The following CTNNA3 variants were observed in gnomAD, a reference collection of about 807,000 sequenced individuals.
CTNNA3 encodes catenin alpha-3.
Under a neutral mutation model 95.7 loss-of-function variants are expected in CTNNA3, and 76 were observed. The observed-to-expected ratio is 0.79, with a 90% CI of 0.66 to 0.96. The LOEUF is 0.96. Among genes scored for constraint, CTNNA3 ranks in the 40% least tolerant of loss-of-function variants. The probability of loss-of-function intolerance (pLI) is 0.00; values close to 1 mark genes in which losing one functional copy is unlikely to be tolerated. For synonymous variants in CTNNA3, 431 were observed against 374.4 expected, an observed-to-expected ratio of 1.15 and a Z score of -1.74; for missense variants, 1,191 against 1,089.8, an observed-to-expected ratio of 1.09 and a Z score of -1.31.
chr10:67,556,170 G>C (rs1339789654), intron 3 of CTNNA3, among the ~76,000 whole-genome samples: 2 of 152,162 alleles, frequency 1.3e-5, no homozygotes, highest in African/African-American at 2.4e-5. Context: ...ATTTTATTGA[G>C]GATTTGTGCA....
chr10:67,739,838 C>T (rs1841324920), intron 1 of CTNNA3, among the ~76,000 whole-genome samples: 1 of 152,176 alleles, frequency 6.6e-6, no homozygotes, highest in African/African-American at 2.4e-5. Flanking sequence ...AAAAAAGAGG[C>T]CGCATCGCCA....
At chr10:66,545,361 G>A (rs1234781675) in intron 10 of CTNNA3, among the ~76,000 whole-genome samples, 2 of 151,974 alleles carry the variant, frequency 1.3e-5, no homozygotes, top group East Asian at 3.9e-4. Context: ...TACTACACTT[G>A]TGAGATTCAT....
At chr10:67,244,253 T>C (rs1328360188) in intron 5 of CTNNA3, among the ~76,000 whole-genome samples, 1 of 152,204 alleles carries the variant, frequency 6.6e-6, no homozygotes, top group African/African-American at 2.4e-5. Flanking sequence ...TAATCACTTA[T>C]AAGAAGGTGT....
intron 12 of CTNNA3, among the ~76,000 whole-genome samples, chr10:66,366,996 A>C (rs565516829): frequency 2.0e-5 from 3 of 152,178 alleles, no homozygotes; most frequent in Non-Finnish European, 4.4e-5. Flanking sequence ...AGGAAGACCT[A>C]TTCAATGTAA....
At chr10:66,926,433 C>T (rs1564771128) in intron 7 of CTNNA3, 1 of 767,018 alleles carries the variant, frequency 1.3e-6, no homozygotes, top group African/African-American at 1.8e-5. Context: ...AATAATGTTC[C>T]AAAATCGGTC....
intron 11 of CTNNA3, among the ~76,000 whole-genome samples, chr10:66,479,298 AT>A (rs1260247411): frequency 8.8e-6 from 1 of 113,364 alleles, no homozygotes; most frequent in African/African-American, 4.4e-5. Context: ...ACTTCCTTAA[AT>A]ACTAAATCTC....
chr10:66,084,784 T>C (rs1044612008), intron 14 of CTNNA3: 3 of 152,166 alleles, frequency 2.0e-5, no homozygotes, highest in African/African-American at 7.2e-5. Flanking sequence ...ATTTGTAAAA[T>C]AGAAGTTTCA....
intron 2 of CTNNA3, among the ~76,000 whole-genome samples, chr10:67,608,045 G>C (rs115279446): frequency 6.6e-6 from 1 of 152,336 alleles, no homozygotes; most frequent in African/African-American, 2.4e-5. Context: ...GTGAGAGAGA[G>C]TGGGGATCGG....
intron 11 of CTNNA3, among the ~76,000 whole-genome samples, chr10:66,385,155 G>C (rs965340486): frequency 1.8e-4 from 28 of 152,208 alleles, no homozygotes; most frequent in Admixed American, 1.8e-3. Flanking sequence ...TCCAGGAGCT[G>C]GTTTTTTGAA....
intron 7 of CTNNA3, among the ~76,000 whole-genome samples, chr10:67,091,502 A>G (rs970623883): frequency 4.6e-5 from 7 of 152,068 alleles, no homozygotes; most frequent in Non-Finnish European, 8.8e-5. Flanking sequence ...CAAAAAAAGG[A>G]AAACAAAAGA....
At chr10:66,192,648 C>T (rs771464239) in intron 13 of CTNNA3, among the ~76,000 whole-genome samples, 21 of 152,102 alleles carry the variant, frequency 1.4e-4, no homozygotes, top group Non-Finnish European at 2.2e-4. Flanking sequence ...TTTCACTACC[C>T]TGTGCTTTAA....
At chr10:66,981,898 A>C (rs1170674545) in intron 7 of CTNNA3, among the ~76,000 whole-genome samples, 4 of 152,186 alleles carry the variant, frequency 2.6e-5, no homozygotes, top group Non-Finnish European at 5.9e-5. Context: ...AAGTTGCATC[A>C]AAAGAACAAA....
intron 5 of CTNNA3, among the ~76,000 whole-genome samples, chr10:67,362,769 G>T (rs1843035788): frequency 7.3e-6 from 1 of 137,836 alleles, no homozygotes; most frequent in South Asian, 2.4e-4. Context: ...ATTCAGGCAA[G>T]AAAAAGAAAT....
intron 13 of CTNNA3, among the ~76,000 whole-genome samples, chr10:66,128,108 A>T (rs1259326526): frequency 2.6e-5 from 4 of 152,184 alleles, no homozygotes; most frequent in Non-Finnish European, 5.9e-5. Flanking sequence ...ACTGTTTTAT[A>T]AGATAAAGTA....
intron 7 of CTNNA3, among the ~76,000 whole-genome samples, chr10:67,035,854 A>G (rs914518543): frequency 3.3e-5 from 5 of 152,252 alleles, no homozygotes; most frequent in Non-Finnish European, 7.3e-5. Context: ...ACTGTCCAGT[A>G]CATTATTCTA....
At chr10:66,514,215 T>C (rs1300417134) in intron 11 of CTNNA3, among the ~76,000 whole-genome samples, 1 of 152,152 alleles carries the variant, frequency 6.6e-6, no homozygotes, top group Non-Finnish European at 1.5e-5. Context: ...GGAAAATTAA[T>C]GTAGACACAG....
chr10:67,447,243 T>G (rs1253202461), intron 5 of CTNNA3, among the ~76,000 whole-genome samples: 1 of 152,254 alleles, frequency 6.6e-6, no homozygotes, highest in Non-Finnish European at 1.5e-5. Flanking sequence ...GGAAGTTGTC[T>G]TGCTTGAGGA....
chr10:66,415,867 GA>G (rs1438409002), intron 11 of CTNNA3, among the ~76,000 whole-genome samples: 2 of 152,024 alleles, frequency 1.3e-5, no homozygotes, highest in Non-Finnish European at 2.9e-5. Context: ...AAAGCAAATT[GA>G]AAAAGTTAGA....
At chr10:67,474,587 T>C (rs563144391) in intron 5 of CTNNA3, among the ~76,000 whole-genome samples, 20 of 151,666 alleles carry the variant, frequency 1.3e-4, no homozygotes, top group African/African-American at 3.9e-4. Flanking sequence ...CTAATACACC[T>C]CCCCTAAAAA....
Sources: allele counts gnomAD v4.1 joint callset (sites outside exome capture counted in the v4.1 genomes callset), GRCh38; gene constraint gnomAD v4.1.1; transcripts MANE v1.5; gene names NCBI Gene and HGNC (gene_info 2026-07-23, HGNC 2026-07-21).